The following PPFIA2 variants were observed in gnomAD, a reference collection of about 807,000 sequenced individuals.
The protein encoded by PPFIA2 is liprin-alpha-2.
A neutral mutation model predicts 175.5 loss-of-function variants in PPFIA2; 46 were observed. That is an observed-to-expected ratio of 0.26 (90% CI 0.21 to 0.34). The LOEUF (loss-of-function observed/expected upper bound fraction) is 0.34. Among genes scored for constraint, PPFIA2 ranks in the 10% least tolerant of loss-of-function variants. The pLI is 1.00. For synonymous variants in PPFIA2, 568 were observed against 511.4 expected (o/e 1.11, Z -1.49); for missense variants, 1,179 against 1,506.1 (o/e 0.78, Z 3.60).
intron 31 of PPFIA2, among the ~76,000 whole-genome samples, chr12:81,262,422 G>A (rs1018250168): frequency 3.3e-5 from 5 of 151,944 alleles, no homozygotes; most frequent in African/African-American, 7.2e-5. Context: ...CATGAATTTC[G>A]CTGACATGTT....
At chr12:81,554,947 C>T (rs143297883) in intron 4 of PPFIA2, among the ~76,000 whole-genome samples, 1 of 152,110 alleles carries the variant, frequency 6.6e-6, no homozygotes, top group African/African-American at 2.4e-5. Flanking sequence ...TTGGTCTTCT[C>T]TTTCTCTAAA....
At chr12:81,753,001 C>T (rs1388345091) in intron 3 of PPFIA2, among the ~76,000 whole-genome samples, 1 of 149,704 alleles carries the variant, frequency 6.7e-6, no homozygotes, top group African/African-American at 2.5e-5. Flanking sequence ...GTGGCGTGAT[C>T]TTGGCTCACT....
At chr12:81,599,769 T>C (rs1427162250) in intron 4 of PPFIA2, among the ~76,000 whole-genome samples, 1 of 152,012 alleles carries the variant, frequency 6.6e-6, no homozygotes, top group Non-Finnish European at 1.5e-5. Context: ...CTCCAGTTTC[T>C]TTTGGTGTGT....
intron 4 of PPFIA2, among the ~76,000 whole-genome samples, chr12:81,593,934 A>G (rs1288985437): frequency 6.6e-6 from 1 of 152,152 alleles, no homozygotes; most frequent in African/African-American, 2.4e-5. Context: ...ACAGAAGGTG[A>G]GCAGTGGGCA....
chr12:81,649,306 A>G (rs542104681), intron 4 of PPFIA2, among the ~76,000 whole-genome samples: 1 of 152,328 alleles, frequency 6.6e-6, no homozygotes, highest in South Asian at 2.1e-4. Flanking sequence ...CAGCCAATAA[A>G]TGCATGACCA....
At chr12:81,376,916 T>C (rs1196824030) in intron 9 of PPFIA2, among the ~76,000 whole-genome samples, 1 of 152,136 alleles carries the variant, frequency 6.6e-6, no homozygotes, top group East Asian at 1.9e-4. Context: ...CTGTCACATA[T>C]AATAATCAGA....
At chr12:81,453,352 G>A (rs1395483946) in intron 5 of PPFIA2, among the ~76,000 whole-genome samples, 1 of 151,932 alleles carries the variant, frequency 6.6e-6, no homozygotes, top group Non-Finnish European at 1.5e-5. Context: ...TGTTCTTCAC[G>A]CTGACATTCA....
At chr12:81,440,583 T>C (rs1161827876) in intron 6 of PPFIA2, among the ~76,000 whole-genome samples, 1 of 152,046 alleles carries the variant, frequency 6.6e-6, no homozygotes, top group Non-Finnish European at 1.5e-5. Flanking sequence ...TACTTTGTTT[T>C]TGAGGAATTG....
chr12:81,466,234 G>A (rs1280118933), intron 4 of PPFIA2, among the ~76,000 whole-genome samples: 1 of 152,056 alleles, frequency 6.6e-6, no homozygotes, highest in East Asian at 1.9e-4. Flanking sequence ...GAATTTTTAT[G>A]TATCTATATT....
Position 81,564,080 on chromosome 12 carries a change from C to T in PPFIA2, c.304-106214G>A, listed in dbSNP as rs114581876. 4.2e-3 allele frequency among the ~76,000 whole-genome samples: 637 copies of T among 152,200 alleles called. 3 individuals carry two copies. Among genetic ancestry groups the T allele is most frequent in the African/African-American group, 0.014 (600 of 41,518 alleles). ...CTTCTAAAGATTTTTGTGTGAATGACATCAAACATCACACACTCATTTTGC... is the reference window on the plus strand; with the variant it reads ...CTTCTAAAGATTTTTGTGTGAATGATATCAAACATCACACACTCATTTTGC... On this transcript the variant is annotated intron_variant, in intron 4 of 32. Transcript: ENST00000549396.
intron 7 of PPFIA2, among the ~76,000 whole-genome samples, chr12:81,410,094 T>C (rs1486803341): frequency 6.6e-6 from 1 of 152,110 alleles, no homozygotes; most frequent in Non-Finnish European, 1.5e-5. Flanking sequence ...TGAGGACGCA[T>C]TGTTCAGGGT....
chr12:81,649,000 A>G (rs935484846), intron 4 of PPFIA2, among the ~76,000 whole-genome samples: 2 of 152,076 alleles, frequency 1.3e-5, no homozygotes, highest in Non-Finnish European at 2.9e-5. Flanking sequence ...TCTAAATGTG[A>G]GAGCTAAATT....
chr12:81,659,284 C>G (rs188597091), intron 4 of PPFIA2, among the ~76,000 whole-genome samples: 3 of 152,240 alleles, frequency 2.0e-5, no homozygotes, highest in Admixed American at 1.3e-4. Context: ...ACCCGGGAAG[C>G]GCAAGGGGTC....
intron 4 of PPFIA2, among the ~76,000 whole-genome samples, chr12:81,561,805 G>T (rs758504259): frequency 2.6e-5 from 4 of 152,086 alleles, no homozygotes; most frequent in Non-Finnish European, 5.9e-5. Flanking sequence ...TCTGAGTCTG[G>T]TTCAAACTTT....
At chr12:81,474,155 A>G (rs1342120071) in intron 4 of PPFIA2, among the ~76,000 whole-genome samples, 1 of 151,926 alleles carries the variant, frequency 6.6e-6, no homozygotes, top group Non-Finnish European at 1.5e-5. Context: ...TTAAATTTTA[A>G]TTAACTAATT....
At chr12:81,366,106 A>C (rs2033322301) in intron 14 of PPFIA2, among the ~76,000 whole-genome samples, 1 of 131,572 alleles carries the variant, frequency 7.6e-6, no homozygotes, top group African/African-American at 2.9e-5. Flanking sequence ...TCTTTCCTTC[A>C]TTCTCTTTTT....
In PPFIA2 at chr12:81,341,030, T is replaced by C. The variant is rs762889585; in HGVS notation, c.2393+48A>G. The C allele has an allele frequency of 2.1e-5, 31 of 1,505,366 alleles. No homozygotes were observed. In the Admixed American group the frequency reaches 4.3e-4, roughly 21 times the overall value. 93.3% of individuals were successfully genotyped at this position (1,505,366 alleles called of 1,614,324 possible). ...CGACAACAACGAAGGAAGAGGAATA[T>C]TTTTGGAAGGAGGGCATTCAGTGTG... is the stretch of plus-strand genomic sequence containing the variant. On this transcript the variant is annotated intron_variant, in intron 20 of 32. Coordinates refer to ENST00000549396, the MANE Select transcript of PPFIA2 (RefSeq NM_003625.5).
chr12:81,509,537 C>T (rs2061546071), intron 4 of PPFIA2, among the ~76,000 whole-genome samples: 1 of 151,976 alleles, frequency 6.6e-6, no homozygotes, highest in Admixed American at 6.6e-5. Flanking sequence ...CTTCTTCACC[C>T]ATATTTTCTT....
rs182194599 is a variant in PPFIA2 at position 81,713,149 on chromosome 12, T to C, written c.250-36305A>G. Among the ~76,000 whole-genome samples, 444 of 151,242 alleles carry C rather than the reference T, an allele frequency of 2.9e-3. 13 individuals are homozygous for C. Among genetic ancestry groups the C allele is most frequent in the Admixed American group, 6.1e-3 (90 of 14,830 alleles). On this transcript the variant is annotated intron_variant, in intron 3 of 32. Transcript: ENST00000549396. Reference sequence around the variant, plus strand: ...TTTAGTACAAAATTATTAGAAAATATGATAAATAATAATACAGCTTTTTTG... The same window carrying C: ...TTTAGTACAAAATTATTAGAAAATACGATAAATAATAATACAGCTTTTTTG...
Sources: gnomAD v4.1 joint callset for allele counts (sites outside exome capture counted in the v4.1 genomes callset) on GRCh38, gnomAD v4.1.1 for gene constraint, MANE v1.5 for transcripts, NCBI Gene and HGNC (gene_info 2026-07-23, HGNC 2026-07-21) for gene names.